The following OR51B5 variants were observed in gnomAD, a reference collection of about 807,000 sequenced individuals.
The protein encoded by OR51B5 is olfactory receptor 51B5.
For synonymous variants in OR51B5, 186 were observed against 144.8 expected, an observed-to-expected ratio of 1.28 and a Z score of -2.04; for missense variants, 456 against 374.6, an observed-to-expected ratio of 1.22 and a Z score of -1.79.
chr11:5,346,296 C>A (rs1473107176), upstream of OR51B5: 1 of 152,098 alleles, frequency 6.6e-6, no homozygotes, highest in African/African-American at 2.4e-5. Flanking sequence ...TCTATGGAAT[C>A]ACTCTACTTT....
At chr11:5,434,915 A>G (rs2133771379) in intron 1 of OR51B5, among the ~76,000 whole-genome samples, 1 of 152,302 alleles carries the variant, frequency 6.6e-6, no homozygotes, top group Admixed American at 6.5e-5. Context: ...AGACATCTAA[A>G]TGAGAAAAAT....
rs117358912 is a variant in OR51B5 at position 5,456,909 on chromosome 11, C to T, written n.84+48660G>A. On this transcript the variant is annotated intron_variant and non_coding_transcript_variant, in intron 1 of 4. Transcript: ENST00000415970. ...TCTGGTTGTTTAAAAATGTATGGCACTGCCTACTTCTCTATTAGTCCTCCT... is the reference window on the plus strand; with the variant it reads ...TCTGGTTGTTTAAAAATGTATGGCATTGCCTACTTCTCTATTAGTCCTCCT... Among the ~76,000 whole-genome samples the T allele has an allele frequency of 7.8e-3, 1,192 of 152,250 alleles. 16 individuals are homozygous for T. Among genetic ancestry groups the T allele is most frequent in the Middle Eastern group, 0.024 (7 of 294 alleles).
At chr11:5,398,573 G>T (rs865925423) in intron 1 of OR51B5, among the ~76,000 whole-genome samples, 6 of 152,308 alleles carry the variant, frequency 3.9e-5, no homozygotes, top group Middle Eastern at 6.8e-3. Flanking sequence ...CATGATCCCT[G>T]ATATGGCTTG....
chr11:5,381,960 A>G (rs549034725), intron 1 of OR51B5, among the ~76,000 whole-genome samples: 4 of 152,354 alleles, frequency 2.6e-5, no homozygotes, highest in East Asian at 1.9e-4. Flanking sequence ...AAAGCTGTCA[A>G]TTACATATCT....
Position 5,359,633 on chromosome 11 carries a change from GAA to G in OR51B5, n.85-12725_85-12724del. Among the ~76,000 whole-genome samples, 2 of 147,580 alleles carry G rather than the reference GAA, an allele frequency of 1.4e-5. 1 individual carries two copies. The highest frequency in any genetic ancestry group is 3.0e-5 in the Non-Finnish European group (2 of 67,152). On this transcript the variant is annotated intron_variant and non_coding_transcript_variant, in intron 1 of 4. Coordinates refer to the OR51B5 transcript ENST00000415970. ...ACCAATGACTTTCTTCACAGAATTG[GAA>G]AAAACTACTTTAAAGTTCATATGGA...
chr11:5,348,685 G>A (rs142837669), intron 1 of OR51B5, among the ~76,000 whole-genome samples: 97 of 152,108 alleles, frequency 6.4e-4, no homozygotes, highest in Non-Finnish European at 1.1e-3. Flanking sequence ...TCTTCTAGCC[G>A]CCCTGGCAGC....
At chr11:5,505,245 A>G (rs1846354543) in intron 1 of OR51B5, 8 of 1,146,492 alleles carry the variant, frequency 7.0e-6, no homozygotes, top group African/African-American at 1.6e-5. Flanking sequence ...TAACATTGCT[A>G]TTAGGTTTTT....
intron 1 of OR51B5, among the ~76,000 whole-genome samples, chr11:5,385,095 T>G (rs1262733823): frequency 6.6e-6 from 1 of 152,134 alleles, no homozygotes; most frequent in Non-Finnish European, 1.5e-5. Context: ...ATACTGAAAA[T>G]CTCTTTTCAG....
chr11:5,500,917 GTCTC>G (rs1008751216), intron 1 of OR51B5, among the ~76,000 whole-genome samples: 1 of 148,288 alleles, frequency 6.7e-6, no homozygotes, highest in South Asian at 2.1e-4. Context: ...TGGGAAGCTT[GTCTC>G]TCTGCCATTA....
intron 1 of OR51B5, among the ~76,000 whole-genome samples, chr11:5,357,628 G>A (rs2133694268): frequency 6.6e-6 from 1 of 151,646 alleles, no homozygotes; most frequent in Non-Finnish European, 1.5e-5. Context: ...ACTCAGCTCT[G>A]CACCAAGCGG....
intron 1 of OR51B5, among the ~76,000 whole-genome samples, chr11:5,360,867 C>A (rs1046003795): frequency 4.9e-4 from 74 of 151,472 alleles, no homozygotes; most frequent in African/African-American, 1.8e-3. Context: ...TGGAAACCAT[C>A]ATTCTCAGCA....
rs371220057 is a variant in OR51B5, at chr11:5,364,278, T to C, written n.85-17368A>G. Among the ~76,000 whole-genome samples, 519 of 152,282 alleles carry C rather than the reference T, an allele frequency of 3.4e-3. 1 individual carries two copies. Among genetic ancestry groups the C allele is most frequent in the South Asian group, 0.017 (82 of 4,818 alleles). ...AGATGAGCTTTTGATCTGTGCACTT[T>C]CCCTCGACCTTGACCACCAATCTTG... On this transcript the variant is annotated intron_variant and non_coding_transcript_variant, in intron 1 of 4. Coordinates refer to the OR51B5 transcript ENST00000415970.
intron 1 of OR51B5, among the ~76,000 whole-genome samples, chr11:5,372,406 T>C (rs1022485037): frequency 1.1e-4 from 17 of 152,200 alleles, no homozygotes; most frequent in African/African-American, 4.1e-4. Flanking sequence ...AGAGTTCTCC[T>C]TTCTCCACAG....
chr11:5,342,477 C>A (rs575120851), downstream of OR51B5: 132 of 1,318,528 alleles, frequency 1.0e-4, no homozygotes, highest in Non-Finnish European at 1.3e-4. Context: ...ATTTTAACAC[C>A]TATTTTACCA....
At position 5,417,365 on chromosome 11, in the gene OR51B5, G is replaced by A. The variant is rs1316031146; in HGVS notation, n.85-70455C>T. Among the ~76,000 whole-genome samples the A allele has an allele frequency of 1.1e-4, 17 of 152,104 alleles. No homozygotes were observed. The East Asian group carries it at 1.9e-3, about 17-fold the overall frequency. Reference sequence around the variant, plus strand: ...GCATTACCATTCAGGACATAGGCAAGGGCAAGGACTTCAGGTCTAAAACAC... The same window carrying A: ...GCATTACCATTCAGGACATAGGCAAAGGCAAGGACTTCAGGTCTAAAACAC... On this transcript the variant is annotated intron_variant and non_coding_transcript_variant, in intron 1 of 4. Transcript: ENST00000415970.
chr11:5,478,356 T>C (rs1432946468), intron 1 of OR51B5, among the ~76,000 whole-genome samples: 2 of 149,518 alleles, frequency 1.3e-5, no homozygotes, highest in Non-Finnish European at 3.0e-5. Flanking sequence ...CAAAAACCCA[T>C]CTGTACATCA....
At chr11:5,391,852 T>C (rs1422598812) in intron 1 of OR51B5, 3 of 152,164 alleles carry the variant, frequency 2.0e-5, no homozygotes, top group African/African-American at 7.2e-5. Flanking sequence ...GAAGATTACT[T>C]GAGTCCAGGA....
At chr11:5,415,028 A>G (rs1290249379) in intron 1 of OR51B5, among the ~76,000 whole-genome samples, 1 of 152,138 alleles carries the variant, frequency 6.6e-6, no homozygotes, top group Admixed American at 6.6e-5. Flanking sequence ...GTTGGCAGTA[A>G]AGCTCTCCTC....
intron 1 of OR51B5, chr11:5,441,612 T>A (rs1466910078): frequency 2.3e-6 from 2 of 863,082 alleles, no homozygotes; most frequent in Non-Finnish European, 3.6e-6. Context: ...AGGTCATAGA[T>A]TGAAAATGAT....
Sources: allele counts gnomAD v4.1 joint callset (sites outside exome capture counted in the v4.1 genomes callset), GRCh38; gene constraint gnomAD v4.1.1; transcripts MANE v1.5; gene names NCBI Gene and HGNC (gene_info 2026-07-23, HGNC 2026-07-21).